RIMS2: variants seen among roughly 807,000 people sequenced by gnomAD.
RIMS2 encodes regulating synaptic membrane exocytosis protein 2.
A neutral mutation model predicts 174.4 loss-of-function variants in RIMS2; 59 were observed. The ratio of observed to expected loss-of-function variants is 0.34; its 90% confidence interval spans 0.27 to 0.42. RIMS2 has a LOEUF of 0.42. Among genes scored for constraint, RIMS2 ranks in the 10% least tolerant of loss-of-function variants. The probability of loss-of-function intolerance (pLI) is 1.00; values close to 1 mark genes in which losing one functional copy is unlikely to be tolerated. For synonymous variants in RIMS2, 606 were observed against 572.5 expected (o/e 1.06, Z -0.84); for missense variants, 1,620 against 1,666.3 (o/e 0.97, Z 0.48).
At chr8:103,757,495 C>T (rs1175333457) in intron 2 of RIMS2, among the ~76,000 whole-genome samples, 1 of 152,102 alleles carries the variant, frequency 6.6e-6, no homozygotes, top group Non-Finnish European at 1.5e-5. Flanking sequence ...ATTTGGTTCA[C>T]ATTTTTAAAA....
intron 19 of RIMS2, among the ~76,000 whole-genome samples, chr8:104,120,571 CA>C (rs35361395): frequency 1.3e-5 from 2 of 151,698 alleles, no homozygotes; most frequent in Non-Finnish European, 1.5e-5. Context: ...AACCTGTTAG[CA>C]AAAAAAGTTA....
At chr8:103,593,647 A>G (rs948297037) in intron 1 of RIMS2, among the ~76,000 whole-genome samples, 25 of 151,562 alleles carry the variant, frequency 1.6e-4, no homozygotes, top group African/African-American at 6.0e-4. Context: ...AAATCCAGCC[A>G]CCTTCTACTA....
intron 1 of RIMS2, among the ~76,000 whole-genome samples, chr8:103,591,104 T>G (rs1184096934): frequency 2.6e-5 from 4 of 150,994 alleles, no homozygotes; most frequent in African/African-American, 9.7e-5. Context: ...TGTGTTCATT[T>G]TATAATATGT....
intron 19 of RIMS2, among the ~76,000 whole-genome samples, chr8:104,045,379 C>T (rs2096675040): frequency 1.3e-5 from 2 of 151,842 alleles, no homozygotes; most frequent in African/African-American, 4.8e-5. Flanking sequence ...TGAGAAGTAG[C>T]ATGCTTTATT....
chr8:104,080,141 T>C (rs1265067902), intron 19 of RIMS2, among the ~76,000 whole-genome samples: 1 of 152,060 alleles, frequency 6.6e-6, no homozygotes, highest in African/African-American at 2.4e-5. Flanking sequence ...GGTTATGCCA[T>C]TCATGTAATA....
chr8:103,539,876 C>T (rs1841715334), intron 1 of RIMS2, among the ~76,000 whole-genome samples: 1 of 152,232 alleles, frequency 6.6e-6, no homozygotes, highest in Non-Finnish European at 1.5e-5. Context: ...GGAGCCATTG[C>T]CATAGTGAGT....
At chr8:103,903,568 T>C (rs2073709570) in intron 4 of RIMS2, among the ~76,000 whole-genome samples, 1 of 152,168 alleles carries the variant, frequency 6.6e-6, no homozygotes, top group Non-Finnish European at 1.5e-5. Context: ...TATTTTACAA[T>C]AGAAGTAAGT....
chr8:103,549,860 A>C (rs913736216), intron 1 of RIMS2, among the ~76,000 whole-genome samples: 6 of 152,194 alleles, frequency 3.9e-5, no homozygotes, highest in African/African-American at 7.2e-5. Flanking sequence ...CACAAAGATC[A>C]AAAGAGACAA....
chr8:103,677,770 G>C (rs1371947892), intron 1 of RIMS2, among the ~76,000 whole-genome samples: 2 of 152,148 alleles, frequency 1.3e-5, no homozygotes, highest in Non-Finnish European at 2.9e-5. Flanking sequence ...AACAGAGTCA[G>C]AGAGACTCCA....
At chr8:103,809,826 C>T (rs1521057) in intron 3 of RIMS2, among the ~76,000 whole-genome samples, 1 of 152,018 alleles carries the variant, frequency 6.6e-6, no homozygotes, top group Non-Finnish European at 1.5e-5. Flanking sequence ...TGGGTACTTG[C>T]GCATTTATAG....
At chr8:103,640,942 C>G (rs982522801) in intron 1 of RIMS2, among the ~76,000 whole-genome samples, 13 of 152,024 alleles carry the variant, frequency 8.6e-5, no homozygotes, top group African/African-American at 3.1e-4. Flanking sequence ...TTATTGATAG[C>G]TGTGTAAAGA....
At chr8:103,734,211 C>T (rs1484418326) in intron 2 of RIMS2, among the ~76,000 whole-genome samples, 1 of 151,212 alleles carries the variant, frequency 6.6e-6, no homozygotes, top group Non-Finnish European at 1.5e-5. Flanking sequence ...TGGGGTTTCA[C>T]CATGTTGGCC....
intron 1 of RIMS2, among the ~76,000 whole-genome samples, chr8:103,604,263 C>A (rs1201455856): frequency 1.3e-5 from 2 of 151,154 alleles, no homozygotes; most frequent in Non-Finnish European, 3.0e-5. Flanking sequence ...AGAATCCTTT[C>A]CCCATTGCTT....
intron 1 of RIMS2, among the ~76,000 whole-genome samples, chr8:103,642,143 CT>C (rs1182293540): frequency 2.6e-5 from 4 of 152,004 alleles, no homozygotes; most frequent in Non-Finnish European, 5.9e-5. Flanking sequence ...TCTAATTTTT[CT>C]CTCTCTTCTT....
intron 19 of RIMS2, among the ~76,000 whole-genome samples, chr8:104,237,280 G>A (rs1390808060): frequency 3.3e-5 from 5 of 152,166 alleles, no homozygotes; most frequent in African/African-American, 1.2e-4. Flanking sequence ...TCTATTGTAT[G>A]TATCTGTCAG....
At chr8:103,976,548 C>CTTTTTCTTTTTCTTTTTCT (rs1555075311) in intron 16 of RIMS2, 1 of 124,568 alleles carries the variant, frequency 8.0e-6, no homozygotes, top group Non-Finnish European at 1.7e-5. Flanking sequence ...TTTTCTTTTT[C>CTTTTTCTTTTTCTTTTTCT]TTTTTTTTTT....
At chr8:104,183,207 T>C (rs1467488108) in intron 19 of RIMS2, among the ~76,000 whole-genome samples, 2 of 151,772 alleles carry the variant, frequency 1.3e-5, no homozygotes, top group Admixed American at 6.6e-5. Flanking sequence ...GCAGAATTGA[T>C]ATAATTTTTC....
At chr8:104,093,437 C>T (rs772357518) in intron 19 of RIMS2, 34 bp from the exon 24 acceptor site, 13 of 1,482,328 alleles carry the variant, frequency 8.8e-6, no homozygotes, top group Admixed American at 1.9e-5. Flanking sequence ...GTAATACTGA[C>T]AACTTCTGCG....
chr8:103,838,262 C>T (rs540409053), intron 3 of RIMS2, among the ~76,000 whole-genome samples: 2 of 152,168 alleles, frequency 1.3e-5, no homozygotes, highest in South Asian at 4.2e-4. Context: ...CCTCCATTTT[C>T]AAAGCCAGCA....
Sources: gnomAD v4.1 joint callset for allele counts (sites outside exome capture counted in the v4.1 genomes callset) on GRCh38, gnomAD v4.1.1 for gene constraint, MANE v1.5 for transcripts, NCBI Gene and HGNC (gene_info 2026-07-23, HGNC 2026-07-21) for gene names.